Variants in SLC9B1 observed in about 807,000 individuals in gnomAD.
The protein encoded by SLC9B1 is sodium/hydrogen exchanger 9B1.
Under a neutral mutation model 51.7 loss-of-function variants are expected in SLC9B1, and 32 were observed. That is an observed-to-expected ratio of 0.62 (90% CI 0.47 to 0.83). SLC9B1 has a LOEUF of 0.83. Among genes scored for constraint, SLC9B1 ranks in the 40% least tolerant of loss-of-function variants. The pLI, the probability that SLC9B1 is intolerant of heterozygous loss-of-function variation, is 0.00. For synonymous variants in SLC9B1, 145 were observed against 212.7 expected (o/e 0.68, Z 2.77); for missense variants, 406 against 613.2 (o/e 0.66, Z 3.57).
At chr4:102,975,586 A>ATTTTTTTTTTTTTTTTTTTT (rs1197166005) in intron 3 of SLC9B1, among the ~76,000 whole-genome samples, 2 of 62,304 alleles carry the variant, frequency 3.2e-5, no homozygotes, top group Non-Finnish European at 5.3e-5. Flanking sequence ...ATATATATAT[A>ATTTTTTTTTTTTTTTTTTTT]TTTTTTTTTT....
intron 3 of SLC9B1, among the ~76,000 whole-genome samples, chr4:102,987,688 C>G (rs1739710066): frequency 6.6e-6 from 1 of 152,124 alleles, no homozygotes. Flanking sequence ...GAAGGTAAAA[C>G]TTAAAAAAGT....
chr4:102,917,010 G>C (rs1370499089), intron 7 of SLC9B1, among the ~76,000 whole-genome samples: 1 of 152,236 alleles, frequency 6.6e-6, no homozygotes, highest in Non-Finnish European at 1.5e-5. Context: ...GCAATTGGTT[G>C]CAAGTGTGGC....
At position 102,972,836 on chromosome 4, in the gene SLC9B1, T is replaced by C. The variant is rs376907528; in HGVS notation, c.211+16964A>G. Among the ~76,000 whole-genome samples the C allele has an allele frequency of 7.2e-5, 11 of 152,228 alleles. No individual in the cohort carries two copies. The East Asian group carries it at 2.1e-3, about 29-fold the overall frequency. ...AACAAAAGTACTGGAAAACCATAAG[T>C]TGGAGACAAATGAGGGTGATCAAAA... On this transcript the variant is annotated intron_variant, in intron 3 of 11. Transcript: ENST00000296422.
Position 102,987,551 on chromosome 4 carries a change from G to A in SLC9B1, c.211+2249C>T, listed in dbSNP as rs144357710. On this transcript the variant is annotated intron_variant, in intron 3 of 11. Transcript: ENST00000296422. ...TCTGATAAAAACATGTGTAGGTTAG[G>A]CTCTGATAAAAAATTTTTTTTTGGG... Among the ~76,000 whole-genome samples the A allele has an allele frequency of 4.1e-3, 629 of 152,162 alleles. 8 individuals are homozygous for A. Among genetic ancestry groups the A allele is most frequent in the African/African-American group, 0.014 (587 of 41,524 alleles).
intron 3 of SLC9B1, among the ~76,000 whole-genome samples, chr4:102,951,008 CAAAACAAAACAG>C (rs1203188773): frequency 2.0e-5 from 3 of 151,804 alleles, no homozygotes; most frequent in Non-Finnish European, 4.4e-5. Context: ...GAAAACAAAA[CAAAACAAAACAG>C]AAAACAAAAC....
intron 7 of SLC9B1, among the ~76,000 whole-genome samples, chr4:102,923,299 C>A (rs1735978800): frequency 6.6e-6 from 1 of 152,100 alleles, no homozygotes; most frequent in South Asian, 2.1e-4. Context: ...TAAGCAGAAC[C>A]AAAGACAAAA....
intron 7 of SLC9B1, among the ~76,000 whole-genome samples, chr4:102,914,884 T>A (rs1452949903): frequency 3.3e-5 from 5 of 150,868 alleles, no homozygotes; most frequent in African/African-American, 9.8e-5. Context: ...AATCCAAGAG[T>A]CTCAAAGAAC....
At chr4:102,954,141 G>A (rs1359947268) in intron 3 of SLC9B1, among the ~76,000 whole-genome samples, 3 of 26,740 alleles carry the variant, frequency 1.1e-4, no homozygotes, top group Admixed American at 4.8e-4. Flanking sequence ...TTTGAAATAC[G>A]TCCCATCAAT....
chr4:102,928,529 C>T (rs1736300531), intron 7 of SLC9B1, among the ~76,000 whole-genome samples: 1 of 152,202 alleles, frequency 6.6e-6, no homozygotes, highest in Admixed American at 6.5e-5. Flanking sequence ...AACTGTTCCA[C>T]CCTCTGCACA....
At chr4:102,985,317 G>A (rs941852954) in intron 3 of SLC9B1, among the ~76,000 whole-genome samples, 1 of 152,032 alleles carries the variant, frequency 6.6e-6, no homozygotes, top group African/African-American at 2.4e-5. Flanking sequence ...TGATATATTT[G>A]GGTTAATATC....
Position 102,905,525 on chromosome 4 carries a change from C to T in SLC9B1, c.1321G>A (p.Ala441Thr). 6.2e-7 allele frequency: 1 copy of T among 1,609,108 alleles called. No homozygotes were observed. Among genetic ancestry groups the T allele is most frequent in the Non-Finnish European group, 8.5e-7 (1 of 1,177,610 alleles). ...TAATATGTTCTTACCTGTACTGTAG[C>T]TTTGGGCATCCATGCTAAAGCAATA... Reference protein sequence around the residue: ...IFIALAWMPKATVQAVLGPLA... With the variant: ...IFIALAWMPKTTVQAVLGPLA... The change falls in exon 11 of 12, where the codon GCT becomes ACT. Residue 441 changes from alanine to threonine, a missense_variant. Physicochemically the swap from Ala to Thr is moderately conservative, Grantham distance 58. Around this residue, in one of 6 missense-constraint regions of SLC9B1, gnomAD observed 24 missense variants for 30.7 expected, o/e 0.78. Transcript: ENST00000296422.
At chr4:102,889,129 C>G (rs1734097003) in intron 11 of SLC9B1, 1 of 152,174 alleles carries the variant, frequency 6.6e-6, no homozygotes, top group Non-Finnish European at 1.5e-5. Context: ...TGACCAGCAG[C>G]ATGTATTTTA....
intron 6 of SLC9B1, among the ~76,000 whole-genome samples, chr4:102,939,901 C>A (rs1472138247): frequency 1.3e-5 from 2 of 152,156 alleles, no homozygotes; most frequent in East Asian, 1.9e-4. Flanking sequence ...CAACTTCATA[C>A]TGAATGGGAA....
At chr4:102,894,910 G>A (rs549739927) in intron 11 of SLC9B1, among the ~76,000 whole-genome samples, 23 of 152,258 alleles carry the variant, frequency 1.5e-4, no homozygotes, top group African/African-American at 3.9e-4. Flanking sequence ...TCCAGCCTGG[G>A]TGACAAAGTA....
rs973503517 is a variant in SLC9B1, at chr4:103,019,546, G to A, written c.-2+53C>T. The A allele has an allele frequency of 1.2e-5, 12 of 981,294 alleles. No homozygotes were observed. The African/African-American group carries it at 1.9e-4, about 16-fold the overall frequency. 60.8% of individuals were successfully genotyped at this position (981,294 alleles called of 1,614,324 possible). A position where few individuals can be genotyped will look rare whatever the true frequency, so the allele number is the denominator to read the frequency against. On this transcript the variant is annotated intron_variant, in intron 1 of 11. Coordinates refer to ENST00000296422, the MANE Select transcript of SLC9B1 (RefSeq NM_139173.4). ...GCAAGGAAACGATCGCGGCAGACCC[G>A]GGACTAGCGCCAAAGGGCTTGGAAG...
exon 12 of SLC9B1, chr4:102,885,211 T>C: frequency 6.2e-7 from 1 of 1,612,266 alleles, no homozygotes; most frequent in Non-Finnish European, 8.5e-7. Flanking sequence ...CATCTACATG[T>C]TTAGTTTCAG....
chr4:102,947,719 T>C (rs1277865381), intron 4 of SLC9B1, among the ~76,000 whole-genome samples: 7 of 152,218 alleles, frequency 4.6e-5, no homozygotes, highest in Non-Finnish European at 8.8e-5. Flanking sequence ...CAATAGGTTA[T>C]TGGAAATGGC....
intron 6 of SLC9B1, among the ~76,000 whole-genome samples, 164 bp downstream of exon 6, chr4:102,945,029 A>G (rs1229263205): frequency 6.6e-6 from 1 of 152,206 alleles, no homozygotes. Context: ...AATTTCGTAC[A>G]ATTTGGGACA....
intron 3 of SLC9B1, among the ~76,000 whole-genome samples, chr4:102,968,124 C>G (rs886333605): frequency 6.6e-6 from 1 of 152,140 alleles, no homozygotes; most frequent in Non-Finnish European, 1.5e-5. Context: ...CAGCAGTAGT[C>G]AAGACAGTGT....
Sources: allele counts gnomAD v4.1 joint callset (sites outside exome capture counted in the v4.1 genomes callset), GRCh38; gene constraint gnomAD v4.1.1; regional missense constraint gnomAD v4.1.1; transcripts MANE v1.5; gene names NCBI Gene and HGNC (gene_info 2026-07-23, HGNC 2026-07-21).